TF: variants seen among roughly 807,000 people sequenced by gnomAD.
The protein encoded by TF is transferrin, also known as serotransferrin.
Under a neutral mutation model 82.4 loss-of-function variants are expected in TF, and 55 were observed. The observed-to-expected ratio is 0.67, with a 90% CI of 0.54 to 0.84. The LOEUF is 0.84. TF is among the 40% of genes least tolerant of loss of function. The pLI is 0.00. For synonymous variants in TF, 332 were observed against 332.6 expected, an observed-to-expected ratio of 1.00 and a Z score of 0.02; for missense variants, 737 against 868.4, an observed-to-expected ratio of 0.85 and a Z score of 1.90.
chr3:133,689,075 C>T, the TF span, among the ~76,000 whole-genome samples: 1 of 152,152 alleles, frequency 6.6e-6, no homozygotes, highest in African/African-American at 2.4e-5. Flanking sequence ...CCTGTAATCG[C>T]AGCACTTTGG....
At chr3:133,700,325 G>A in the TF span, 3 of 152,358 alleles carry the variant, frequency 2.0e-5, no homozygotes, top group East Asian at 1.9e-4. Context: ...AGAGCACGTC[G>A]GTAGGTGCTG....
chr3:133,690,985 T>TAC, the TF span, among the ~76,000 whole-genome samples: 4 of 152,202 alleles, frequency 2.6e-5, no homozygotes, highest in East Asian at 1.9e-4. Flanking sequence ...CCTAACTTTA[T>TAC]ACACACACAC....
chr3:133,751,301 C>T (rs965735686), intron 2 of TF, among the ~76,000 whole-genome samples: 8 of 145,632 alleles, frequency 5.5e-5, no homozygotes, highest in Admixed American at 2.8e-4. Flanking sequence ...GGCGCGATCT[C>T]GACTCACTGC....
chr3:133,758,221 T>G (rs1052270748), intron 8 of TF, among the ~76,000 whole-genome samples: 3 of 152,194 alleles, frequency 2.0e-5, no homozygotes, highest in African/African-American at 7.2e-5. Context: ...CCTTACCTAC[T>G]CTGTGAAGGC....
In TF at chr3:133,746,457, G is replaced by A. The variant is rs1452708451; in HGVS notation, c.17G>A (p.Gly6Glu). The A allele has an allele frequency of 6.2e-7, 1 of 1,600,618 alleles. No individual in the cohort carries two copies. The highest frequency in any genetic ancestry group is 1.1e-5 in the South Asian group (1 of 89,592). ...ACCCGGAAGATGAGGCTCGCCGTGG[G>A]AGCCCTGCTGGTCTGCGCCGTCCTG... is the stretch of plus-strand genomic sequence containing the variant. The part of the protein sequence containing the change: MRLAV[G>E]ALLVCAVLGL... The change falls in exon 1 of 17, where the codon GGA becomes GAA. Residue 6 changes from glycine to glutamate, a missense_variant. Transcript: ENST00000402696.
At position 133,788,951 on chromosome 3, in the gene TF, C is replaced by G. The variant is rs1041263408; in HGVS notation, c.*10331C>G. 1.9e-4 allele frequency: 29 copies of G among 152,328 alleles called. No homozygotes were observed. Among genetic ancestry groups the G allele is most frequent in the Middle Eastern group, 6.8e-3 (2 of 296 alleles). The allele number at this position is 152,328 out of a possible 1,614,324, so 9.4% of individuals were successfully genotyped here. On this transcript the variant is annotated 3_prime_UTR_variant, in exon 17 of 17. Transcript: ENST00000402696. ...AACAGGAAGCATGGGATAATGTGGC[C>G]TTATCAAATTATAAGGATGCTAAAC...
chr3:133,695,777 G>A, the TF span, among the ~76,000 whole-genome samples: 1 of 152,012 alleles, frequency 6.6e-6, no homozygotes, highest in Non-Finnish European at 1.5e-5. Flanking sequence ...TGCACCTTGG[G>A]GCCATTACTA....
the TF span, among the ~76,000 whole-genome samples, chr3:133,717,024 T>C: frequency 6.6e-6 from 1 of 152,212 alleles, no homozygotes; most frequent in Non-Finnish European, 1.5e-5. Flanking sequence ...TCTGTAATTT[T>C]CAACCTATAA....
chr3:133,677,939 C>G, the TF span, among the ~76,000 whole-genome samples: 1 of 152,134 alleles, frequency 6.6e-6, no homozygotes, highest in Non-Finnish European at 1.5e-5. Flanking sequence ...TATACACATG[C>G]CATGGTGGTT....
chr3:133,743,085 C>T (rs982429596), upstream of TF, among the ~76,000 whole-genome samples: 1 of 152,104 alleles, frequency 6.6e-6, no homozygotes, highest in African/African-American at 2.4e-5. Context: ...AAGAAGGCAG[C>T]TGTGGTCTGG....
the TF span, among the ~76,000 whole-genome samples, chr3:133,671,988 ATAC>A: frequency 1.3e-5 from 2 of 152,168 alleles, no homozygotes; most frequent in Non-Finnish European, 2.9e-5. Flanking sequence ...AATCCTGGCA[ATAC>A]TAATCAAGGA....
rs750619760 is a variant in TF, at chr3:133,748,638, C to A, written c.216+54C>A. Reference sequence around the variant, plus strand: ...GAAGAAAGCCATACTTTCTCTGTTTCCAGTCACTTTGGAACAATTCTTTAC... The same window carrying A: ...GAAGAAAGCCATACTTTCTCTGTTTACAGTCACTTTGGAACAATTCTTTAC... On this transcript the variant is annotated intron_variant, in intron 2 of 16. Transcript: ENST00000402696. 6.2e-6 allele frequency: 10 copies of A among 1,600,744 alleles called. No individual in the cohort carries two copies. The South Asian group carries it at 1.1e-4, about 18-fold the overall frequency.
In TF at chr3:133,756,426, A is replaced by G; in HGVS notation, c.691+89A>G. 2.2e-6 allele frequency: 3 copies of G among 1,356,778 alleles called. No individual in the cohort carries two copies. In the African/African-American group the frequency reaches 4.3e-5, roughly 19 times the overall value. 84.0% of individuals were successfully genotyped at this position (1,356,778 alleles called of 1,614,324 possible). A position where few individuals can be genotyped will look rare whatever the true frequency, so the allele number is the denominator to read the frequency against. ...CCTTTTTCATGCTCAGTAATTGGAA[A>G]TGAGCATACTGTATTTCTCCTTTAT... On this transcript the variant is annotated intron_variant, in intron 6 of 16. Transcript: ENST00000402696.
chr3:133,782,171 A>G lies in TF; in HGVS notation c.*3551A>G, dbSNP rs534786834. ...ATCATAAACGTGGATAAGGGTGAAGAGAACAGAAAACCTTTGTGCATTGTT... is the reference window on the plus strand; with the variant it reads ...ATCATAAACGTGGATAAGGGTGAAGGGAACAGAAAACCTTTGTGCATTGTT... On this transcript the variant is annotated 3_prime_UTR_variant, in exon 17 of 17. Coordinates refer to ENST00000402696, the MANE Select transcript of TF (RefSeq NM_001063.4). 6.6e-6 allele frequency: 1 copy of G among 152,348 alleles called. No individual in the cohort carries two copies. Among genetic ancestry groups the G allele is most frequent in the South Asian group, 2.1e-4 (1 of 4,828 alleles). The allele number at this position is 152,348 out of a possible 1,614,324, so 9.4% of individuals were successfully genotyped here. A position where few individuals can be genotyped will look rare whatever the true frequency, so the allele number is the denominator to read the frequency against.
At chr3:133,737,829 C>T in the TF span, among the ~76,000 whole-genome samples, 1 of 152,060 alleles carries the variant, frequency 6.6e-6, no homozygotes, top group African/African-American at 2.4e-5. Flanking sequence ...TAATAGCCTA[C>T]CAAGAAAAAA....
chr3:133,716,117 AGCCTCTACATGCTGGCAT>A, the TF span, among the ~76,000 whole-genome samples: 1 of 151,268 alleles, frequency 6.6e-6, no homozygotes, highest in Non-Finnish European at 1.5e-5. Context: ...CCACTTCCCC[AGCCTCTACATGCTGGCAT>A]GACTCAGGGC....
chr3:133,717,709 G>A, the TF span, among the ~76,000 whole-genome samples: 981 of 152,316 alleles, frequency 6.4e-3, 10 homozygotes, highest in African/African-American at 0.022. Flanking sequence ...CACATGGATT[G>A]AGGCGGCTGG....
chr3:133,699,681 G>C, the TF span: 3 of 457,214 alleles, frequency 6.6e-6, no homozygotes, highest in African/African-American at 4.0e-5. Context: ...GATTTGGAGG[G>C]AGGTTAACTT....
In TF at chr3:133,794,617, C is replaced by T. The variant is rs1460058643; in HGVS notation, c.*15997C>T. The stretch of plus-strand genomic sequence containing the variant: ...ATAAAGACTGTCCTTGCCATCCACA[C>T]TACAGCAAAACTTCTGGACTTTGAA... On this transcript the variant is annotated 3_prime_UTR_variant, in exon 17 of 17. Transcript: ENST00000402696. The T allele has an allele frequency of 6.6e-6, 1 of 152,252 alleles. No homozygotes were observed. Among genetic ancestry groups the T allele is most frequent in the Non-Finnish European group, 1.5e-5 (1 of 68,042 alleles). The allele number at this position is 152,252 out of a possible 1,614,324, so 9.4% of individuals were successfully genotyped here.
Sources: allele counts gnomAD v4.1 joint callset (sites outside exome capture counted in the v4.1 genomes callset), GRCh38; gene constraint gnomAD v4.1.1; transcripts MANE v1.5; gene names NCBI Gene and HGNC (gene_info 2026-07-23, HGNC 2026-07-21).